PHF24: variants seen among roughly 807,000 people sequenced by gnomAD.
The protein encoded by PHF24 is PHD finger protein 24, also known as Galpha inhibitory interacting protein.
A neutral mutation model predicts 42.6 loss-of-function variants in PHF24; 25 were observed. That is an observed-to-expected ratio of 0.59 (90% CI 0.43 to 0.82). The LOEUF (loss-of-function observed/expected upper bound fraction) is 0.82, where lower values mean the gene tolerates loss of function less well. Ranked by LOEUF, PHF24 falls within the 40% of genes least tolerant of loss-of-function variation. The probability of loss-of-function intolerance (pLI) is 0.00; values close to 1 mark genes in which losing one functional copy is unlikely to be tolerated. For synonymous variants in PHF24, 185 were observed against 204.8 expected (o/e 0.90, Z 0.83); for missense variants, 470 against 538.1 (o/e 0.87, Z 1.25).
the PHF24 span, among the ~76,000 whole-genome samples, chr9:34,936,665 A>G: frequency 9.4e-5 from 14 of 148,960 alleles, no homozygotes; most frequent in Non-Finnish European, 1.6e-4. Context: ...GGAAGTGAGG[A>G]GCGTCTCTGC....
chr9:34,701,782 T>C, the PHF24 span, among the ~76,000 whole-genome samples: 1 of 151,400 alleles, frequency 6.6e-6, no homozygotes, highest in Non-Finnish European at 1.5e-5. The surrounding 1 kb of genome is among the most constrained non-coding windows in gnomAD (Gnocchi z 5.8). Flanking sequence ...GCCTCGGGGG[T>C]CCTCTGCGGG....
At chr9:34,811,311 A>G in the PHF24 span, among the ~76,000 whole-genome samples, 6 of 152,300 alleles carry the variant, frequency 3.9e-5, no homozygotes, top group African/African-American at 1.4e-4. Context: ...TGTGTTGGAA[A>G]CTTAATTCTC....
At chr9:34,802,546 A>C in the PHF24 span, among the ~76,000 whole-genome samples, 2 of 152,018 alleles carry the variant, frequency 1.3e-5, no homozygotes, top group Non-Finnish European at 2.9e-5. Context: ...AATATTGAAA[A>C]CTCTTTCTGC....
chr9:34,856,071 A>G, the PHF24 span, among the ~76,000 whole-genome samples: 2 of 151,974 alleles, frequency 1.3e-5, no homozygotes, highest in African/African-American at 4.8e-5. Context: ...TCTGCTGTTG[A>G]TATTTGTGAT....
chr9:34,736,083 A>G, the PHF24 span, among the ~76,000 whole-genome samples: 1 of 151,982 alleles, frequency 6.6e-6, no homozygotes, highest in Non-Finnish European at 1.5e-5. Flanking sequence ...TCCACAGTGG[A>G]GGAAAAAATA....
chr9:34,871,378 A>C, the PHF24 span, among the ~76,000 whole-genome samples: 4 of 152,184 alleles, frequency 2.6e-5, no homozygotes, highest in South Asian at 8.3e-4. Context: ...ATTTTCTTCC[A>C]GTATGTGGTG....
chr9:34,666,803 G>A, the PHF24 span, among the ~76,000 whole-genome samples: 6 of 152,090 alleles, frequency 3.9e-5, no homozygotes, highest in Non-Finnish European at 5.9e-5. Context: ...AAAGTTAGCC[G>A]GGCGTGGTGG....
chr9:34,709,335 C>G, the PHF24 span: 1 of 1,593,352 alleles, frequency 6.3e-7, no homozygotes, highest in Admixed American at 1.8e-5. Context: ...ATCTTGGGTT[C>G]AGGCTTCAAG....
At chr9:34,918,456 G>C in the PHF24 span, among the ~76,000 whole-genome samples, 9 of 150,354 alleles carry the variant, frequency 6.0e-5, no homozygotes, top group Non-Finnish European at 1.5e-5. Flanking sequence ...TGAAATGATT[G>C]AAGCGTTCAT....
the PHF24 span, chr9:34,709,474 T>C: frequency 6.2e-7 from 1 of 1,613,874 alleles, no homozygotes. Flanking sequence ...AGGCTCCCCT[T>C]TACCCACATC....
the PHF24 span, among the ~76,000 whole-genome samples, chr9:34,720,017 C>T: frequency 6.6e-6 from 1 of 152,162 alleles, no homozygotes; most frequent in Non-Finnish European, 1.5e-5. Context: ...TGTATCCAAG[C>T]AGTGGACACA....
At chr9:34,968,170 C>G (rs1826845162) in intron 1 of PHF24, among the ~76,000 whole-genome samples, 2 of 152,104 alleles carry the variant, frequency 1.3e-5, no homozygotes, top group Admixed American at 1.3e-4. Flanking sequence ...TCTTTCCCAC[C>G]AATAAATATA....
chr9:34,680,322 C>A, the PHF24 span, among the ~76,000 whole-genome samples: 1 of 151,922 alleles, frequency 6.6e-6, no homozygotes. Context: ...TTGCAGTGAG[C>A]CGAGATCGCA....
the PHF24 span, among the ~76,000 whole-genome samples, chr9:34,951,904 CAA>C: frequency 6.6e-6 from 1 of 152,216 alleles, no homozygotes; most frequent in Non-Finnish European, 1.5e-5. Flanking sequence ...CTTAACCTAA[CAA>C]AGAGCTTCTA....
the PHF24 span, chr9:34,917,900 C>T: frequency 7.2e-5 from 115 of 1,589,634 alleles, no homozygotes; most frequent in Middle Eastern, 1.2e-3. Flanking sequence ...ATCCTAAGCC[C>T]ATTCCTGGGA....
At chr9:34,877,946 T>G in the PHF24 span, among the ~76,000 whole-genome samples, 1 of 152,070 alleles carries the variant, frequency 6.6e-6, no homozygotes, top group Non-Finnish European at 1.5e-5. Flanking sequence ...TTTAGGCCAG[T>G]GAAATTATTC....
At chr9:34,934,291 T>G in the PHF24 span, among the ~76,000 whole-genome samples, 1 of 152,150 alleles carries the variant, frequency 6.6e-6, no homozygotes, top group Non-Finnish European at 1.5e-5. Flanking sequence ...GGGGAGTTAA[T>G]AAGTGATTAC....
At chr9:34,731,499 G>T in the PHF24 span, among the ~76,000 whole-genome samples, 1 of 151,010 alleles carries the variant, frequency 6.6e-6, no homozygotes, top group African/African-American at 2.4e-5. Context: ...CTATCTCCAT[G>T]AGTTCAATTG....
At chr9:34,880,991 GAAAT>G in the PHF24 span, among the ~76,000 whole-genome samples, 3 of 152,162 alleles carry the variant, frequency 2.0e-5, no homozygotes, top group African/African-American at 7.2e-5. Flanking sequence ...TAAAAAAACA[GAAAT>G]TATAACAAAT....
Sources: allele counts gnomAD v4.1 joint callset (sites outside exome capture counted in the v4.1 genomes callset), GRCh38; gene constraint gnomAD v4.1.1; non-coding constraint Gnocchi (gnomAD v3.1); transcripts MANE v1.5; gene names NCBI Gene and HGNC (gene_info 2026-07-23, HGNC 2026-07-21).